NAT1: variants seen among roughly 807,000 people sequenced by gnomAD.
NAT1 encodes the protein N-acetyltransferase 1.
For missense variants in NAT1, 400 were observed against 339.2 expected (o/e 1.18, Z -1.41); for synonymous variants, 144 against 122.6 (o/e 1.17, Z -1.16).
intron 2 of NAT1, among the ~76,000 whole-genome samples, chr8:18,193,568 G>C (rs1000679608): frequency 6.2e-5 from 9 of 144,862 alleles, no homozygotes; most frequent in Non-Finnish European, 1.2e-4. Context: ...TAAAGAGACA[G>C]TCCTTCTATC....
chr8:18,172,703 C>T (rs1056022021), intron 2 of NAT1, among the ~76,000 whole-genome samples: 5 of 152,082 alleles, frequency 3.3e-5, no homozygotes, highest in African/African-American at 9.7e-5. Flanking sequence ...AAAATTAACT[C>T]CTTGAAAGAT....
At chr8:18,185,449 A>G (rs1046710435) in intron 2 of NAT1, among the ~76,000 whole-genome samples, 4 of 152,138 alleles carry the variant, frequency 2.6e-5, no homozygotes, top group Non-Finnish European at 5.9e-5. Flanking sequence ...ACTGGTCATA[A>G]TGTGGTGTAA....
intron 2 of NAT1, among the ~76,000 whole-genome samples, chr8:18,185,396 A>G (rs1433831384): frequency 6.6e-6 from 1 of 152,096 alleles, no homozygotes; most frequent in African/African-American, 2.4e-5. Context: ...TTTTTTCAGA[A>G]ATGTGTTAAG....
chr8:18,213,012 C>T (rs1164459000), intron 1 of NAT1, among the ~76,000 whole-genome samples: 1 of 151,426 alleles, frequency 6.6e-6, no homozygotes. Context: ...TCAAGTGATT[C>T]TCCTGCATTA....
chr8:18,216,427 C>T (rs768324663), intron 1 of NAT1, among the ~76,000 whole-genome samples: 12 of 152,094 alleles, frequency 7.9e-5, no homozygotes, highest in Non-Finnish European at 1.0e-4. Flanking sequence ...TTGACAAGCT[C>T]GAGTCAGGGC....
At chr8:18,194,425 T>A (rs903387801) in intron 2 of NAT1, among the ~76,000 whole-genome samples, 2 of 152,200 alleles carry the variant, frequency 1.3e-5, no homozygotes, top group African/African-American at 4.8e-5. Context: ...CAGGACCAAG[T>A]CGTATCTGTT....
At chr8:18,217,040 G>A (rs749627176) in intron 1 of NAT1, 13 of 1,315,510 alleles carry the variant, frequency 9.9e-6, no homozygotes, top group Non-Finnish European at 1.3e-5. Context: ...TACAAAAAGG[G>A]AGAAAGGCAA....
intron 2 of NAT1, among the ~76,000 whole-genome samples, chr8:18,189,718 A>C (rs145003240): frequency 7.2e-5 from 11 of 152,338 alleles, no homozygotes; most frequent in African/African-American, 2.6e-4. Context: ...TTCCACCTGC[A>C]TGATGACTGT....
At chr8:18,187,053 A>G (rs1473313900) in intron 2 of NAT1, among the ~76,000 whole-genome samples, 2 of 152,206 alleles carry the variant, frequency 1.3e-5, no homozygotes, top group Admixed American at 6.5e-5. Context: ...ATTCCCCGCC[A>G]TAACATCTTT....
At chr8:18,210,893 G>C (rs1018782985) in intron 1 of NAT1, among the ~76,000 whole-genome samples, 1 of 152,148 alleles carries the variant, frequency 6.6e-6, no homozygotes, top group African/African-American at 2.4e-5. Context: ...TCCTGCCTCA[G>C]CCTCCTGAGT....
chr8:18,175,315 T>G (rs962649674), intron 2 of NAT1, among the ~76,000 whole-genome samples: 4 of 152,198 alleles, frequency 2.6e-5, no homozygotes, highest in Non-Finnish European at 5.9e-5. Context: ...ATCTGATTCC[T>G]CCAGTCTAAC....
intron 2 of NAT1, among the ~76,000 whole-genome samples, chr8:18,183,376 C>G (rs1003705309): frequency 4.6e-5 from 7 of 152,174 alleles, no homozygotes; most frequent in African/African-American, 1.7e-4. Context: ...CCCCAAAACT[C>G]ACGTCCTCGC....
Position 18,222,744 on chromosome 8 carries a change from T to C in NAT1, c.697T>C (p.Cys233Arg), listed in dbSNP as rs1373006372. The C allele has an allele frequency of 4.3e-6, 7 of 1,613,942 alleles. No homozygotes were observed. The highest frequency in any genetic ancestry group is 2.2e-5 in the East Asian group (1 of 44,882). ...CTTGCAGACCCCAGATGGGGTTCACTGTTTGGTGGGCTTCACCCTCACCCA... is the reference window on the plus strand; with the variant it reads ...CTTGCAGACCCCAGATGGGGTTCACCGTTTGGTGGGCTTCACCCTCACCCA... ...CSLQTPDGVH[C>R]LVGFTLTHRR... The change falls in exon 3 of 3, where the codon TGT becomes CGT. Residue 233 changes from cysteine (C) to arginine (R), a missense_variant. Transcript: ENST00000307719.
intron 2 of NAT1, among the ~76,000 whole-genome samples, chr8:18,197,823 G>A (rs1412313302): frequency 1.3e-5 from 2 of 151,730 alleles, no homozygotes; most frequent in Non-Finnish European, 2.9e-5. Flanking sequence ...CATGTGACCT[G>A]GTTCTGACCA....
chr8:18,207,182 A>T (rs906805244), upstream of NAT1, among the ~76,000 whole-genome samples: 4 of 152,130 alleles, frequency 2.6e-5, no homozygotes, highest in African/African-American at 9.7e-5. Flanking sequence ...AGATGATTGT[A>T]GATGTGTGGT....
chr8:18,192,799 A>G (rs960789132), intron 2 of NAT1, among the ~76,000 whole-genome samples: 8 of 147,926 alleles, frequency 5.4e-5, no homozygotes, highest in Non-Finnish European at 1.2e-4. Flanking sequence ...ACGAGAACAC[A>G]TGGACACAGG....
At chr8:18,194,818 TAA>T (rs57703927) in intron 2 of NAT1, among the ~76,000 whole-genome samples, 669 of 143,256 alleles carry the variant, frequency 4.7e-3, no homozygotes, top group African/African-American at 7.3e-3. Flanking sequence ...GACTCTGTCT[TAA>T]AAAAAAAAAA....
At chr8:18,184,680 T>C (rs1055863228) in intron 2 of NAT1, among the ~76,000 whole-genome samples, 2 of 152,184 alleles carry the variant, frequency 1.3e-5, no homozygotes, top group Non-Finnish European at 2.9e-5. Flanking sequence ...CCAACAGTAG[T>C]GGGAGGCAGG....
Position 18,222,926 on chromosome 8 carries a change from G to A in NAT1, c.*6G>A. 6.5e-7 allele frequency: 1 copy of A among 1,530,342 alleles called. No homozygotes were observed. Among genetic ancestry groups the A allele is most frequent in the Non-Finnish European group, 8.7e-7 (1 of 1,145,200 alleles). The allele number at this position is 1,530,342 out of a possible 1,614,324, so 94.8% of individuals were successfully genotyped here. ...ATAGATTTTTTACTATTTAGAATAA[G>A]GAGTAAAACAATCTTGTCTATTTGT... On this transcript the variant is annotated 3_prime_UTR_variant, in exon 3 of 3. Transcript: ENST00000307719.
Sources: allele counts gnomAD v4.1 joint callset (sites outside exome capture counted in the v4.1 genomes callset), GRCh38; gene constraint gnomAD v4.1.1; transcripts MANE v1.5; gene names NCBI Gene and HGNC (gene_info 2026-07-23, HGNC 2026-07-21).